The following TYR variants were observed in gnomAD, a reference collection of about 807,000 sequenced individuals.
TYR encodes the protein LB24-AB.
TYR carries 58 observed loss-of-function variants against 51.5 expected under a neutral mutation model. That is an observed-to-expected ratio of 1.13 (90% CI 0.91 to 1.40). The LOEUF is 1.40. TYR is among the 40% of genes most tolerant of loss of function. The pLI, the probability that TYR is intolerant of heterozygous loss-of-function variation, is 0.00. For missense variants in TYR, 732 were observed against 647.4 expected (o/e 1.13, Z -1.42); for synonymous variants, 263 against 235.2 (o/e 1.12, Z -1.08).
chr11:89,202,735 T>C (rs1442675440), intron 2 of TYR, among the ~76,000 whole-genome samples: 1 of 152,124 alleles, frequency 6.6e-6, no homozygotes, highest in Non-Finnish European at 1.5e-5. Context: ...AGCTCTGCTC[T>C]ATAGCTGGTT....
intron 3 of TYR, among the ~76,000 whole-genome samples, chr11:89,260,235 T>C (rs992923082): frequency 6.6e-6 from 1 of 150,918 alleles, no homozygotes; most frequent in African/African-American, 2.4e-5. Flanking sequence ...AGTAGCCACT[T>C]TGAAGAATAA....
chr11:89,197,841 G>T (rs981321498), intron 2 of TYR, among the ~76,000 whole-genome samples: 1 of 152,108 alleles, frequency 6.6e-6, no homozygotes, highest in Non-Finnish European at 1.5e-5. Context: ...TAAGCTATAC[G>T]TCATTTTAAA....
At chr11:89,250,464 C>T (rs34003066) in intron 3 of TYR, among the ~76,000 whole-genome samples, 9,064 of 151,898 alleles carry the variant, frequency 0.06, 339 homozygotes, top group East Asian at 0.11. Context: ...AACTGATAAT[C>T]ATATCAAAAA....
At chr11:89,232,186 A>G (rs1307081821) in intron 3 of TYR, among the ~76,000 whole-genome samples, 1 of 143,232 alleles carries the variant, frequency 7.0e-6, no homozygotes, top group Non-Finnish European at 1.5e-5. Context: ...GTATACAGGC[A>G]CACATCAAAA....
intron 3 of TYR, among the ~76,000 whole-genome samples, chr11:89,250,028 A>G (rs192860240): frequency 1.1e-4 from 16 of 152,126 alleles, no homozygotes; most frequent in African/African-American, 3.9e-4. Flanking sequence ...GTGTGAAGGG[A>G]GGTCATCAGT....
intron 3 of TYR, among the ~76,000 whole-genome samples, chr11:89,249,863 A>C (rs952218015): frequency 7.2e-5 from 11 of 152,182 alleles, no homozygotes; most frequent in African/African-American, 1.7e-4. Flanking sequence ...GGAGATGTGA[A>C]ATCTAAAGCC....
At chr11:89,288,676 G>T (rs1441943646) in intron 4 of TYR, among the ~76,000 whole-genome samples, 1 of 152,172 alleles carries the variant, frequency 6.6e-6, no homozygotes, top group Admixed American at 6.6e-5. Context: ...GGCTGAGGCA[G>T]GAGGTTCTCT....
chr11:89,228,912 C>T (rs928551738), intron 3 of TYR, among the ~76,000 whole-genome samples: 2 of 151,802 alleles, frequency 1.3e-5, no homozygotes, highest in African/African-American at 4.9e-5. Flanking sequence ...CAAATCATGA[C>T]TGACAAATGC....
intron 2 of TYR, among the ~76,000 whole-genome samples, chr11:89,219,693 A>G (rs146295864): frequency 2.0e-3 from 305 of 152,304 alleles, no homozygotes; most frequent in African/African-American, 5.8e-3. Flanking sequence ...AAAATTGGCC[A>G]TAAGTATGTG....
At chr11:89,228,448 G>A (rs1241215580) in intron 3 of TYR, among the ~76,000 whole-genome samples, 4 of 152,146 alleles carry the variant, frequency 2.6e-5, no homozygotes, top group Non-Finnish European at 5.9e-5. Flanking sequence ...AAGGCTTCAG[G>A]AGAAAGTTGT....
At chr11:89,240,467 T>C (rs1944177613) in intron 3 of TYR, among the ~76,000 whole-genome samples, 1 of 152,164 alleles carries the variant, frequency 6.6e-6, no homozygotes, top group African/African-American at 2.4e-5. Flanking sequence ...TTGCATTGTA[T>C]AGGTTGTTCA....
intron 2 of TYR, among the ~76,000 whole-genome samples, chr11:89,221,429 G>T (rs1005069565): frequency 6.6e-6 from 1 of 152,138 alleles, no homozygotes; most frequent in African/African-American, 2.4e-5. Flanking sequence ...TACATTTATG[G>T]CTGTAGAGCT....
At chr11:89,182,465 G>A (rs1943314107) in intron 1 of TYR, among the ~76,000 whole-genome samples, 1 of 152,090 alleles carries the variant, frequency 6.6e-6, no homozygotes, top group Admixed American at 6.6e-5. Context: ...AGTTCCATAT[G>A]TATGTCTGCG....
At chr11:89,266,494 G>A (rs1376595036) in intron 3 of TYR, among the ~76,000 whole-genome samples, 3 of 151,788 alleles carry the variant, frequency 2.0e-5, no homozygotes, top group Non-Finnish European at 4.4e-5. Context: ...CCCATCATAT[G>A]TATTGGTCCC....
chr11:89,216,130 A>C (rs960513089), intron 2 of TYR, among the ~76,000 whole-genome samples: 8 of 152,180 alleles, frequency 5.3e-5, no homozygotes, highest in Non-Finnish European at 1.2e-4. Flanking sequence ...GTGAAAGCTT[A>C]TGAACCTGGT....
chr11:89,207,559 C>G (rs955456171), intron 2 of TYR, among the ~76,000 whole-genome samples: 13 of 152,090 alleles, frequency 8.5e-5, no homozygotes, highest in African/African-American at 1.2e-4. Flanking sequence ...AACATAAATT[C>G]TATACAATCT....
At chr11:89,182,624 G>A (rs1176405439) in intron 1 of TYR, among the ~76,000 whole-genome samples, 1 of 152,112 alleles carries the variant, frequency 6.6e-6, no homozygotes, top group African/African-American at 2.4e-5. Context: ...TGGAAATATT[G>A]TGTTCCTAAT....
chr11:89,285,047 T>C (rs1944767798), intron 4 of TYR, 93 bp downstream of exon 4: 2 of 1,061,200 alleles, frequency 1.9e-6, no homozygotes, highest in Non-Finnish European at 2.9e-6. Context: ...ACAATGTTAT[T>C]CCTGAACACT....
At chr11:89,283,552 A>G (rs1487504689) in intron 3 of TYR, among the ~76,000 whole-genome samples, 1 of 151,786 alleles carries the variant, frequency 6.6e-6, no homozygotes, top group African/African-American at 2.4e-5. Context: ...GGTAGGACAG[A>G]TATTATTACT....
Sources: allele counts gnomAD v4.1 joint callset (sites outside exome capture counted in the v4.1 genomes callset), GRCh38; gene constraint gnomAD v4.1.1; transcripts MANE v1.5; gene names NCBI Gene and HGNC (gene_info 2026-07-23, HGNC 2026-07-21).